Variants in TAOK3 observed in about 807,000 individuals in gnomAD.
The protein encoded by TAOK3 is TAO kinase 3.
A neutral mutation model predicts 120.4 loss-of-function variants in TAOK3; 40 were observed. The ratio of observed to expected loss-of-function variants is 0.33; its 90% CI spans 0.26 to 0.43. The LOEUF (loss-of-function observed/expected upper bound fraction) is 0.43, where lower values mean the gene tolerates loss of function less well. Ranked by LOEUF, TAOK3 falls within the 20% of genes least tolerant of loss-of-function variation. The pLI is 1.00. For missense variants in TAOK3, 821 were observed against 1,112.1 expected, an observed-to-expected ratio of 0.74 and a Z score of 3.72; for synonymous variants, 355 against 387.5, an observed-to-expected ratio of 0.92 and a Z score of 0.99.
intron 1 of TAOK3, among the ~76,000 whole-genome samples, chr12:118,335,593 G>A (rs1835561476): frequency 6.6e-6 from 1 of 152,162 alleles, no homozygotes; most frequent in South Asian, 2.1e-4. Context: ...ACTTTGGAAG[G>A]CCGAGCTGGG....
chr12:118,318,783 T>C (rs2043580543), intron 1 of TAOK3, among the ~76,000 whole-genome samples: 1 of 152,222 alleles, frequency 6.6e-6, no homozygotes. Context: ...ACTTTTCATG[T>C]TCATTGCAAC....
chr12:118,272,796 C>G (rs1028071502), intron 1 of TAOK3, among the ~76,000 whole-genome samples: 2 of 151,376 alleles, frequency 1.3e-5, no homozygotes, highest in African/African-American at 4.9e-5. Context: ...CACAGTGAGA[C>G]CCCCGTCTCT....
chr12:118,170,313 C>T (rs1012939560), intron 17 of TAOK3, among the ~76,000 whole-genome samples: 1 of 152,060 alleles, frequency 6.6e-6, no homozygotes, highest in Non-Finnish European at 1.5e-5. Flanking sequence ...TGTAATAAGA[C>T]CTAGGTCACC....
chr12:118,350,264 A>C (rs1293552515), intron 1 of TAOK3, among the ~76,000 whole-genome samples: 1 of 152,138 alleles, frequency 6.6e-6, no homozygotes, highest in African/African-American at 2.4e-5. Context: ...CTTCACAATG[A>C]GGGGTACATG....
intron 1 of TAOK3, among the ~76,000 whole-genome samples, chr12:118,328,945 A>T (rs574404839): frequency 6.6e-6 from 1 of 152,342 alleles, no homozygotes; most frequent in African/African-American, 2.4e-5. Context: ...CATGACAGGT[A>T]GCAAAGATAT....
intron 1 of TAOK3, among the ~76,000 whole-genome samples, chr12:118,267,224 TA>T (rs1219506909): frequency 6.6e-6 from 1 of 152,146 alleles, no homozygotes; most frequent in African/African-American, 2.4e-5. Context: ...ATTATTTATT[TA>T]TTTTTTTTGA....
At chr12:118,278,099 A>AT (rs551601266) in intron 1 of TAOK3, among the ~76,000 whole-genome samples, 7,476 of 147,798 alleles carry the variant, frequency 0.051, 588 homozygotes, top group African/African-American at 0.17. Context: ...TATAAAAGGG[A>AT]TTTTTTTTTT....
intron 19 of TAOK3, among the ~76,000 whole-genome samples, chr12:118,157,589 T>C (rs2034927856): frequency 6.6e-6 from 1 of 152,210 alleles, no homozygotes; most frequent in African/African-American, 2.4e-5. Context: ...CTCCTGACTC[T>C]CCAGACCAGG....
At chr12:118,222,301 A>G (rs1443460583) in intron 9 of TAOK3, among the ~76,000 whole-genome samples, 1 of 152,142 alleles carries the variant, frequency 6.6e-6, no homozygotes, top group Non-Finnish European at 1.5e-5. Context: ...TTGGGAGGCC[A>G]AGGTCGGAGG....
chr12:118,325,761 C>T lies in TAOK3; in HGVS notation c.-194+46887G>A, dbSNP rs578234122. Among the ~76,000 whole-genome samples the T allele has an allele frequency of 9.9e-5, 15 of 152,208 alleles. No homozygotes were observed. The South Asian group carries it at 3.1e-3, about 32-fold the overall frequency. On this transcript the variant is annotated intron_variant, in intron 1 of 20. Coordinates refer to ENST00000392533, the MANE Select transcript of TAOK3 (RefSeq NM_016281.4). Reference sequence around the variant, plus strand: ...GTAGCATGATCTCGGCTCACTGCAACGTCTGCCTCCCAGGTTCAAGCAATT... The same window carrying T: ...GTAGCATGATCTCGGCTCACTGCAATGTCTGCCTCCCAGGTTCAAGCAATT...
At chr12:118,165,339 T>C (rs1003429570) in intron 17 of TAOK3, among the ~76,000 whole-genome samples, 2 of 152,166 alleles carry the variant, frequency 1.3e-5, no homozygotes, top group African/African-American at 4.8e-5. Context: ...ATCCCACACT[T>C]TCCTAAATTG....
At chr12:118,302,996 A>G (rs779201930) in intron 1 of TAOK3, among the ~76,000 whole-genome samples, 2 of 152,184 alleles carry the variant, frequency 1.3e-5, no homozygotes, top group Non-Finnish European at 1.5e-5. Flanking sequence ...ATATACTACT[A>G]AACACCCACC....
chr12:118,171,085 T>C (rs1692340984), intron 17 of TAOK3, among the ~76,000 whole-genome samples: 2 of 152,232 alleles, frequency 1.3e-5, no homozygotes, highest in Admixed American at 6.5e-5. Flanking sequence ...GTATTCTGTA[T>C]TCCTCATCTC....
intron 2 of TAOK3, among the ~76,000 whole-genome samples, chr12:118,256,689 C>T (rs1460254961): frequency 6.6e-6 from 1 of 152,156 alleles, no homozygotes; most frequent in Non-Finnish European, 1.5e-5. Flanking sequence ...TATACACACA[C>T]ACATATACAT....
intron 9 of TAOK3, among the ~76,000 whole-genome samples, chr12:118,220,705 T>G (rs1288721507): frequency 1.3e-5 from 2 of 151,932 alleles, no homozygotes; most frequent in Non-Finnish European, 2.9e-5. Flanking sequence ...GTGGCTTGGA[T>G]TTGAAGCAGC....
chr12:118,356,613 A>T (rs572837172), intron 1 of TAOK3, among the ~76,000 whole-genome samples: 1 of 151,998 alleles, frequency 6.6e-6, no homozygotes, highest in African/African-American at 2.4e-5. Context: ...ATTTGGTCAC[A>T]TTAAAAAAAA....
rs1220713973 is a variant in TAOK3 at position 118,368,738 on chromosome 12, G to C, written c.-194+3910C>G. Reference sequence around the variant, plus strand: ...GGAGAATCGCTGGAACCAGGGAGGCGGAGGTTGCAGTGAGCCGAAATCGTG... The same window carrying C: ...GGAGAATCGCTGGAACCAGGGAGGCCGAGGTTGCAGTGAGCCGAAATCGTG... On this transcript the variant is annotated intron_variant, in intron 1 of 20. Transcript: ENST00000392533. 2.7e-5 allele frequency among the ~76,000 whole-genome samples: 4 copies of C among 150,056 alleles called. No individual in the cohort carries two copies. In the East Asian group the frequency reaches 8.1e-4, roughly 30 times the overall value.
chr12:118,257,413 A>G (rs2041034456), intron 2 of TAOK3, among the ~76,000 whole-genome samples: 1 of 152,176 alleles, frequency 6.6e-6, no homozygotes, highest in African/African-American at 2.4e-5. Context: ...TTAGTTACAT[A>G]AATTTATTTG....
Position 118,150,983 on chromosome 12 carries a change from CA to C in TAOK3, c.*13del. The C allele has an allele frequency of 7.6e-7, 1 of 1,321,740 alleles. No individual in the cohort carries two copies. The highest frequency in any genetic ancestry group is 9.7e-7 in the Non-Finnish European group (1 of 1,032,822). The allele number at this position is 1,321,740 out of a possible 1,614,324, so 81.9% of individuals were successfully genotyped here. On this transcript the variant is annotated 3_prime_UTR_variant, in exon 21 of 21. Transcript: ENST00000392533. ...TTTTTTTTTTTTTTTTTGTAAATGG[CA>C]AAAAATTTAATCTCATCTGTAGTCC...
Sources: gnomAD v4.1 joint callset for allele counts (sites outside exome capture counted in the v4.1 genomes callset) on GRCh38, gnomAD v4.1.1 for gene constraint, MANE v1.5 for transcripts, NCBI Gene and HGNC (gene_info 2026-07-23, HGNC 2026-07-21) for gene names.